The following ZNF267 variants were observed in gnomAD, a reference collection of about 807,000 sequenced individuals.
ZNF267 encodes the protein zinc finger protein 267, also known as zinc finger (C2H2).
In ZNF267, 61 loss-of-function variants were observed where a neutral mutation model predicts 71.6. That is an observed-to-expected ratio of 0.85 (90% CI 0.69 to 1.05). ZNF267 has a LOEUF of 1.05. ZNF267 is among the 50% of genes least tolerant of loss of function. The pLI, the probability that ZNF267 is intolerant of heterozygous loss-of-function variation, is 0.00. For synonymous variants in ZNF267, 288 were observed against 293.2 expected, an observed-to-expected ratio of 0.98 and a Z score of 0.18; for missense variants, 852 against 870.0, an observed-to-expected ratio of 0.98 and a Z score of 0.26.
At chr16:31,877,641 T>G (rs1345668788) in intron 1 of ZNF267, among the ~76,000 whole-genome samples, 2 of 152,190 alleles carry the variant, frequency 1.3e-5, no homozygotes, top group Non-Finnish European at 2.9e-5. Context: ...GCTGTTCAGC[T>G]GAGTCAGAAG....
At chr16:31,877,984 T>C (rs2083863980) in intron 1 of ZNF267, among the ~76,000 whole-genome samples, 1 of 152,164 alleles carries the variant, frequency 6.6e-6, no homozygotes, top group Non-Finnish European at 1.5e-5. Flanking sequence ...TTACAGGCAG[T>C]AGCTTGGAAG....
At chr16:31,903,595 C>T (rs1381644393) in intron 3 of ZNF267, among the ~76,000 whole-genome samples, 2 of 152,184 alleles carry the variant, frequency 1.3e-5, no homozygotes, top group Admixed American at 6.5e-5. Context: ...ATAGTATTCT[C>T]TGATGGTAGT....
intron 3 of ZNF267, among the ~76,000 whole-genome samples, chr16:31,899,128 C>T (rs1402504982): frequency 6.6e-6 from 1 of 152,106 alleles, no homozygotes; most frequent in East Asian, 1.9e-4. Flanking sequence ...ATCAAGGAGA[C>T]AGAAAATTAA....
rs759591154 is a variant in ZNF267 at position 31,916,147 on chromosome 16, A to G, written c.1898A>G (p.Lys633Arg). The change falls in exon 4 of 4, where the codon AAA (lysine) becomes AGA (arginine). Residue 633 changes from lysine (K) to arginine (R), a missense_variant. Lys to Arg is a conservative substitution (Grantham distance 26). Transcript: ENST00000300870. ...RRIHTGQRPY[K>R]CEECGKAFNY... ...ATTCATACTGGCCAGAGACCCTACA[A>G]ATGTGAAGAATGTGGCAAAGCCTTC... 2 of 1,613,968 alleles carry G rather than the reference A, an allele frequency of 1.2e-6. No homozygotes were observed. The highest frequency in any genetic ancestry group is 1.7e-5 in the Admixed American group (1 of 60,006).
intron 1 of ZNF267, chr16:31,874,365 G>A (rs1309399477): frequency 5.3e-6 from 1 of 187,890 alleles, no homozygotes; most frequent in African/African-American, 2.3e-5. Flanking sequence ...GAATTAAAGG[G>A]AGTCACTGTT....
intron 1 of ZNF267, chr16:31,874,227 C>T (rs1420148080): frequency 4.3e-6 from 2 of 464,164 alleles, no homozygotes; most frequent in East Asian, 3.7e-5. Flanking sequence ...CTCTGGGCAG[C>T]TCCGCGTCGC....
chr16:31,889,276 A>G (rs1191797420), intron 3 of ZNF267, among the ~76,000 whole-genome samples: 2 of 143,212 alleles, frequency 1.4e-5, no homozygotes, highest in African/African-American at 2.6e-5. Context: ...TCTTTGCTCT[A>G]ATTTTTATTA....
Position 31,906,796 on chromosome 16 carries a change from G to C in ZNF267, c.227-7680G>C, listed in dbSNP as rs144353435. On this transcript the variant is annotated intron_variant, in intron 3 of 3. Coordinates refer to ENST00000300870, the MANE Select transcript of ZNF267 (RefSeq NM_003414.6). Reference sequence around the variant, plus strand: ...CTGCACCCACCGTCCTGCATCCACTGTCTGGCACTCCCCAGTGAGATGAAC... The same window carrying C: ...CTGCACCCACCGTCCTGCATCCACTCTCTGGCACTCCCCAGTGAGATGAAC... Among the ~76,000 whole-genome samples the C allele has an allele frequency of 1.1e-4, 17 of 152,022 alleles. No individual in the cohort carries two copies. The East Asian group carries it at 3.3e-3, about 30-fold the overall frequency.
chr16:31,898,692 T>C (rs2142347936), intron 3 of ZNF267, among the ~76,000 whole-genome samples: 1 of 152,242 alleles, frequency 6.6e-6, no homozygotes, highest in Admixed American at 6.5e-5. Flanking sequence ...TTTAGTAGCA[T>C]ACAAAAATCC....
intron 3 of ZNF267, among the ~76,000 whole-genome samples, chr16:31,897,278 C>A (rs1189785082): frequency 6.6e-6 from 1 of 151,976 alleles, no homozygotes; most frequent in Non-Finnish European, 1.5e-5. Context: ...ATTTAAAGTT[C>A]ATGTTTGTAT....
Position 31,915,809 on chromosome 16 carries a change from CA to C in ZNF267, c.1563del (p.Lys521AsnfsTer244). ...AAATTCATACTGGAGAAAATCTTTA[CA>C]AATGCAAAGTATGTGCTAAACCTTT... ...RKIHTGENLY[K>X]CKVCAKPFTC... On this transcript the variant is annotated frameshift_variant, in exon 4 of 4. Transcript: ENST00000300870. LOFTEE classifies it high-confidence loss of function. The C allele has an allele frequency of 6.2e-7, 1 of 1,613,354 alleles. No homozygotes were observed. Among genetic ancestry groups the C allele is most frequent in the Non-Finnish European group, 8.5e-7 (1 of 1,179,974 alleles).
chr16:31,891,242 A>G (rs1228366681), intron 3 of ZNF267, among the ~76,000 whole-genome samples: 2 of 152,118 alleles, frequency 1.3e-5, no homozygotes, highest in African/African-American at 4.8e-5. Context: ...CACACATTTT[A>G]TTACTGTATA....
intron 1 of ZNF267, among the ~76,000 whole-genome samples, chr16:31,878,603 A>C (rs965359525): frequency 7.0e-6 from 1 of 142,874 alleles, no homozygotes; most frequent in Non-Finnish European, 1.5e-5. Flanking sequence ...ATCCAATCAT[A>C]ATCTCATCTG....
intron 3 of ZNF267, among the ~76,000 whole-genome samples, chr16:31,900,256 C>A (rs964984223): frequency 1.3e-5 from 2 of 151,882 alleles, no homozygotes; most frequent in African/African-American, 4.8e-5. Context: ...ACTATTATTA[C>A]AATAATACCG....
intron 3 of ZNF267, chr16:31,894,583 G>A: frequency 2.0e-6 from 1 of 491,086 alleles, no homozygotes. Context: ...TTCATCCAGA[G>A]CTTTGTGCTG....
Position 31,887,450 on chromosome 16 carries a change from AG to A in ZNF267, c.226+2195del, listed in dbSNP as rs376853699. On this transcript the variant is annotated intron_variant, in intron 3 of 3. Transcript: ENST00000300870. The stretch of plus-strand genomic sequence containing the variant: ...GTTGCTTGTGATTTTTTGATGTGAT[AG>A]CCAGAAAAATTATTGCCAAGGCCAG... 9.2e-5 allele frequency among the ~76,000 whole-genome samples: 14 copies of A among 152,140 alleles called. No homozygotes were observed. The South Asian group carries it at 1.9e-3, about 20-fold the overall frequency.
At chr16:31,893,363 CT>C (rs2083974568) in intron 3 of ZNF267, among the ~76,000 whole-genome samples, 1 of 152,234 alleles carries the variant, frequency 6.6e-6, no homozygotes, top group Middle Eastern at 3.2e-3. Context: ...ATGGGAGGGG[CT>C]GCCATGAAGA....
chr16:31,874,103 G>T (rs1179453318), intron 1 of ZNF267, 134 bp downstream of exon 1: 1 of 998,122 alleles, frequency 1.0e-6, no homozygotes, highest in South Asian at 1.5e-5. Flanking sequence ...AACTGGTGCA[G>T]CTCGGCCCTC....
chr16:31,912,974 CT>C (rs1217922356), intron 3 of ZNF267: 1 of 152,082 alleles, frequency 6.6e-6, no homozygotes, highest in Non-Finnish European at 1.5e-5. Context: ...TGAAAAGTTA[CT>C]TATTTTGTTT....
Sources: allele counts gnomAD v4.1 joint callset (sites outside exome capture counted in the v4.1 genomes callset), GRCh38; gene constraint gnomAD v4.1.1; transcripts MANE v1.5; gene names NCBI Gene and HGNC (gene_info 2026-07-23, HGNC 2026-07-21).